LANCL2: variants seen among roughly 807,000 people sequenced by gnomAD.
LANCL2 encodes the protein lanC-like protein 2.
LANCL2 carries 33 observed loss-of-function variants against 56.9 expected under a neutral mutation model. That is an observed-to-expected ratio of 0.58 (90% CI 0.44 to 0.78). The LOEUF is 0.78. Among genes scored for constraint, LANCL2 ranks in the 30% least tolerant of loss-of-function variants. The pLI, the probability that LANCL2 is intolerant of heterozygous loss-of-function variation, is 0.00. For missense variants in LANCL2, 562 were observed against 580.2 expected (o/e 0.97, Z 0.32); for synonymous variants, 233 against 228.2 (o/e 1.02, Z -0.19).
intron 1 of LANCL2, among the ~76,000 whole-genome samples, chr7:55,388,594 C>A (rs6593245): frequency 0.35 from 53,589 of 152,090 alleles, 9,925 homozygotes; most frequent in African/African-American, 0.42. Flanking sequence ...ACTTGTGAAC[C>A]ATCCAGCCAT....
At chr7:55,419,204 T>C (rs1042867986) in intron 6 of LANCL2, among the ~76,000 whole-genome samples, 1 of 152,102 alleles carries the variant, frequency 6.6e-6, no homozygotes, top group Non-Finnish European at 1.5e-5. Flanking sequence ...CTTGCTTAAA[T>C]GTTTGTGGGA....
intron 2 of LANCL2, among the ~76,000 whole-genome samples, chr7:55,397,964 AAAAAT>A (rs1384095129): frequency 6.6e-6 from 1 of 152,206 alleles, no homozygotes; most frequent in Non-Finnish European, 1.5e-5. Context: ...AAATAGAAAA[AAAAAT>A]AGGAAGAAGG....
In LANCL2 at chr7:55,366,104, C is replaced by T. The variant is rs750313603; in HGVS notation, c.79C>T (p.Pro27Ser). The T allele has an allele frequency of 5.8e-6, 9 of 1,543,416 alleles. No homozygotes were observed. Among genetic ancestry groups the T allele is most frequent in the Non-Finnish European group, 7.9e-6 (9 of 1,141,178 alleles). The change falls in exon 1 of 9, where the codon CCC (proline) becomes TCC (serine). Residue 27 changes from proline to serine, a missense_variant. Physicochemically the swap from Pro to Ser is moderately conservative, Grantham distance 74 (BLOSUM62 -1). This residue lies in a region of LANCL2 where 184 missense variants were observed against 111.8 expected (regional missense o/e 1.65). Transcript: ENST00000254770. ...AEMEERAFVNPFPDYEAAAGA... is the reference protein window; with the variant it reads ...AEMEERAFVNSFPDYEAAAGA... ...AATGGAGGAACGGGCGTTCGTCAACCCCTTCCCGGACTACGAGGCCGCCGC... is the reference window on the plus strand; with the variant it reads ...AATGGAGGAACGGGCGTTCGTCAACTCCTTCCCGGACTACGAGGCCGCCGC...
chr7:55,419,287 T>C (rs2128995998), intron 6 of LANCL2, among the ~76,000 whole-genome samples: 1 of 152,232 alleles, frequency 6.6e-6, no homozygotes, highest in African/African-American at 2.4e-5. Context: ...TGTTTTTCAA[T>C]ATGTTTTCTC....
At chr7:55,376,823 T>C (rs553356160) in intron 1 of LANCL2, among the ~76,000 whole-genome samples, 1 of 152,386 alleles carries the variant, frequency 6.6e-6, no homozygotes, top group South Asian at 2.1e-4. Context: ...TATTCAGCTT[T>C]GTGTCCCAAT....
At chr7:55,420,891 T>C (rs919862065) in intron 6 of LANCL2, among the ~76,000 whole-genome samples, 8 of 152,258 alleles carry the variant, frequency 5.3e-5, no homozygotes, top group Non-Finnish European at 1.0e-4. Flanking sequence ...TTTAATTTTC[T>C]TAGTGTTTGC....
chr7:55,409,162 C>G (rs2128994962), intron 5 of LANCL2, among the ~76,000 whole-genome samples: 1 of 149,998 alleles, frequency 6.7e-6, no homozygotes, highest in Non-Finnish European at 1.5e-5. Flanking sequence ...GAACTCGGCT[C>G]ACTGCAAGCT....
chr7:55,406,821 G>A (rs894932888), intron 5 of LANCL2, among the ~76,000 whole-genome samples: 2 of 152,180 alleles, frequency 1.3e-5, no homozygotes, highest in South Asian at 2.1e-4. Flanking sequence ...AACAGAAACC[G>A]AAGTTCTTTG....
chr7:55,388,469 C>T (rs972963184), intron 1 of LANCL2, among the ~76,000 whole-genome samples: 22 of 152,140 alleles, frequency 1.4e-4, no homozygotes, highest in Admixed American at 1.4e-3. Context: ...TGGCTTGAAC[C>T]TGGGAGGCAG....
Position 55,428,367 on chromosome 7 carries a change from C to CT in LANCL2, c.1186-4dup. 1 of 1,613,256 alleles carries CT rather than the reference C, an allele frequency of 6.2e-7. No homozygotes were observed. Among genetic ancestry groups the CT allele is most frequent in the South Asian group, 1.1e-5 (1 of 91,054 alleles). On this transcript the variant is annotated splice_polypyrimidine_tract_variant and splice_region_variant and intron_variant, in intron 7 of 8. Transcript: ENST00000254770. ...TCCAGTCTTAAAAAGAAATCCCTTT[C>CT]TTTTCAGTTTGCAGAGTGGTGTCTA...
At chr7:55,384,760 A>G (rs1469666694) in intron 1 of LANCL2, among the ~76,000 whole-genome samples, 2 of 152,200 alleles carry the variant, frequency 1.3e-5, no homozygotes, top group African/African-American at 4.8e-5. Context: ...GGAGAATGAA[A>G]TAACATGTAA....
At chr7:55,396,412 G>C (rs78770908) in intron 2 of LANCL2, among the ~76,000 whole-genome samples, 6 of 152,204 alleles carry the variant, frequency 3.9e-5, no homozygotes, top group African/African-American at 1.2e-4. Flanking sequence ...TCGCAGCCCC[G>C]CCTACCCGGA....
intron 5 of LANCL2, among the ~76,000 whole-genome samples, chr7:55,408,936 C>G (rs1432506317): frequency 6.9e-6 from 1 of 145,894 alleles, no homozygotes; most frequent in African/African-American, 2.5e-5. Context: ...GAGCCGAGAT[C>G]GTGCCACTGC....
chr7:55,388,919 G>C (rs768228720), intron 1 of LANCL2, among the ~76,000 whole-genome samples: 12 of 152,170 alleles, frequency 7.9e-5, no homozygotes, highest in Admixed American at 5.2e-4. Flanking sequence ...CCTTTGAGTG[G>C]CCTGACCCTC....
intron 6 of LANCL2, among the ~76,000 whole-genome samples, chr7:55,413,357 T>C (rs1401856750): frequency 6.6e-6 from 1 of 152,198 alleles, no homozygotes; most frequent in Non-Finnish European, 1.5e-5. Flanking sequence ...AAATATATAA[T>C]TGCTAAAATG....
rs566150020 is a variant in LANCL2, at chr7:55,388,964, A to C, written c.205-2829A>C. Among the ~76,000 whole-genome samples, 14 of 152,326 alleles carry C rather than the reference A, an allele frequency of 9.2e-5. No individual in the cohort carries two copies. In the South Asian group the frequency reaches 2.7e-3, roughly 29 times the overall value. The stretch of plus-strand genomic sequence containing the variant: ...AGCAGTCATTTGGAGGAGTATCCTT[A>C]GGGAAACCTGGAGGGGGCTGGGGGC... On this transcript the variant is annotated intron_variant, in intron 1 of 8. Coordinates refer to ENST00000254770, the MANE Select transcript of LANCL2 (RefSeq NM_018697.4).
At chr7:55,410,885 G>A (rs1169521305) in intron 5 of LANCL2, among the ~76,000 whole-genome samples, 1 of 151,958 alleles carries the variant, frequency 6.6e-6, no homozygotes, top group Non-Finnish European at 1.5e-5. Flanking sequence ...TCACCCTAAA[G>A]ATGTGAGGTG....
At chr7:55,384,240 A>G (rs527274743) in intron 1 of LANCL2, among the ~76,000 whole-genome samples, 3 of 152,362 alleles carry the variant, frequency 2.0e-5, no homozygotes, top group South Asian at 4.1e-4. Context: ...AATTTTGCAC[A>G]TTGAATGAAA....
intron 6 of LANCL2, among the ~76,000 whole-genome samples, chr7:55,423,972 T>C (rs1790635418): frequency 6.6e-6 from 1 of 152,144 alleles, no homozygotes; most frequent in Non-Finnish European, 1.5e-5. Flanking sequence ...CTGGTCGCAG[T>C]TCTCATGCCC....
Sources: gnomAD v4.1 joint callset for allele counts (sites outside exome capture counted in the v4.1 genomes callset) on GRCh38, gnomAD v4.1.1 for gene constraint, gnomAD v4.1.1 regional missense constraint, MANE v1.5 for transcripts, NCBI Gene and HGNC (gene_info 2026-07-23, HGNC 2026-07-21) for gene names.